ZNF883: variants seen among roughly 807,000 people sequenced by gnomAD.
ZNF883 encodes zinc finger protein 883.
chr9:113,006,512 T>C (rs1828478073), intron 2 of ZNF883, among the ~76,000 whole-genome samples: 1 of 152,186 alleles, frequency 6.6e-6, no homozygotes. Context: ...TGGAGTTCTT[T>C]CCTGCACAAA....
At chr9:112,993,112 T>C (rs1828317022), downstream of ZNF883, among the ~76,000 whole-genome samples, 1 of 152,232 alleles carries the variant, frequency 6.6e-6, no homozygotes, top group South Asian at 2.1e-4. Context: ...GTGTCCTTCC[T>C]GGAGAGGTGT....
downstream of ZNF883, chr9:112,997,094 A>T: frequency 6.5e-7 from 1 of 1,550,274 alleles, no homozygotes; most frequent in Non-Finnish European, 8.7e-7. Context: ...ATAACCTACG[A>T]CTGACTGCAG....
chr9:112,998,700 C>CA (rs1308711504), upstream of ZNF883: 1 of 152,674 alleles, frequency 6.5e-6, no homozygotes, highest in African/African-American at 2.4e-5. Flanking sequence ...ATGTACTACC[C>CA]ACCCATTTGT....
downstream of ZNF883, among the ~76,000 whole-genome samples, chr9:112,995,750 G>GGTTTAT (rs1828347362): frequency 6.6e-6 from 1 of 152,014 alleles, no homozygotes; most frequent in East Asian, 1.9e-4. Context: ...TTTTGAAATA[G>GGTTTAT]TCTAGAAGTT....
downstream of ZNF883, among the ~76,000 whole-genome samples, chr9:112,995,513 CCT>C (rs146515279): frequency 5.3e-5 from 8 of 151,372 alleles, no homozygotes; most frequent in East Asian, 1.9e-4. Flanking sequence ...TCCCTTCCTT[CCT>C]CTCTCTCTCT....
chr9:113,008,229 CAAG>C (rs1426511878), intron 2 of ZNF883, among the ~76,000 whole-genome samples: 1 of 152,098 alleles, frequency 6.6e-6, no homozygotes, highest in Non-Finnish European at 1.5e-5. Context: ...ACTAATGACA[CAAG>C]AAAATGTACA....
chr9:113,009,505 C>T (rs1278048507), intron 2 of ZNF883, among the ~76,000 whole-genome samples: 1 of 150,710 alleles, frequency 6.6e-6, no homozygotes, highest in Non-Finnish European at 1.5e-5. Context: ...ATCTACAAGG[C>T]TCATATTCCT....
chr9:113,001,083 C>T (rs1284959846), upstream of ZNF883, among the ~76,000 whole-genome samples: 1 of 152,040 alleles, frequency 6.6e-6, no homozygotes, highest in African/African-American at 2.4e-5. Context: ...GGACTAAGAA[C>T]AGGTTGCTAT....
chr9:112,994,708 A>G (rs950402124), downstream of ZNF883, among the ~76,000 whole-genome samples: 1 of 151,942 alleles, frequency 6.6e-6, no homozygotes, highest in Non-Finnish European at 1.5e-5. Context: ...AAAATTGTAA[A>G]TGTCACTTCT....
At chr9:112,988,286 T>C (rs1353652397) in intron 1 of ZNF883, among the ~76,000 whole-genome samples, 3 of 151,958 alleles carry the variant, frequency 2.0e-5, no homozygotes, top group Admixed American at 2.0e-4. Context: ...CTATTGATCC[T>C]GATCCTCTCC....
At chr9:113,001,672 A>G (rs1828425598), upstream of ZNF883, among the ~76,000 whole-genome samples, 1 of 152,076 alleles carries the variant, frequency 6.6e-6, no homozygotes, top group South Asian at 2.1e-4. Flanking sequence ...TAGTTATCTG[A>G]TTCTTTCCTG....
chr9:113,009,003 A>G (rs549646704), intron 2 of ZNF883, among the ~76,000 whole-genome samples: 232 of 152,202 alleles, frequency 1.5e-3, no homozygotes, highest in Non-Finnish European at 2.4e-3. Context: ...TTAAAAAGTC[A>G]GACAATGAAG....
chr9:112,991,564 T>G (rs1409244713), intron 1 of ZNF883, among the ~76,000 whole-genome samples: 4 of 151,990 alleles, frequency 2.6e-5, no homozygotes, highest in Non-Finnish European at 5.9e-5. Context: ...CATTCTGTTG[T>G]TTTTTGGTGG....
chr9:112,989,778 T>C (rs1440659606), intron 1 of ZNF883, among the ~76,000 whole-genome samples: 2 of 152,244 alleles, frequency 1.3e-5, no homozygotes, highest in Non-Finnish European at 2.9e-5. Flanking sequence ...CATTTGTTTG[T>C]GTCCTCTCTT....
intron 2 of ZNF883, among the ~76,000 whole-genome samples, 160 bp downstream of exon 2, chr9:113,010,981 T>C (rs1828530408): frequency 1.1e-5 from 1 of 87,050 alleles, no homozygotes; most frequent in Admixed American, 1.2e-4. Context: ...CGAGACCTTG[T>C]CTCAAAAAAA....
At chr9:112,989,058 T>C (rs1446465821) in intron 1 of ZNF883, among the ~76,000 whole-genome samples, 2 of 152,192 alleles carry the variant, frequency 1.3e-5, no homozygotes, top group African/African-American at 2.4e-5. Context: ...GTTGCAAAAG[T>C]TTTCCCTCAT....
chr9:112,996,664 G>A (rs193247414), downstream of ZNF883, among the ~76,000 whole-genome samples: 397 of 149,878 alleles, frequency 2.6e-3, 3 homozygotes, highest in African/African-American at 8.9e-3. Context: ...GGTAGCGGGC[G>A]CCTGTAGTCC....
intron 2 of ZNF883, among the ~76,000 whole-genome samples, chr9:113,008,197 T>C (rs1282741099): frequency 6.6e-6 from 1 of 152,244 alleles, no homozygotes; most frequent in East Asian, 1.9e-4. Context: ...TTACTGCCTA[T>C]AAAGCATATT....
At chr9:112,999,888 A>G (rs967733061), upstream of ZNF883, 1 of 152,188 alleles carries the variant, frequency 6.6e-6, no homozygotes, top group Non-Finnish European at 1.5e-5. Context: ...CTTCCTTCCC[A>G]GAGGTTAGTT....
Sources: gnomAD v4.1 joint callset for allele counts (sites outside exome capture counted in the v4.1 genomes callset) on GRCh38, gnomAD v4.1.1 for gene constraint, MANE v1.5 for transcripts, NCBI Gene and HGNC (gene_info 2026-07-23, HGNC 2026-07-21) for gene names.